EXOC6B: variants seen among roughly 807,000 people sequenced by gnomAD.
EXOC6B encodes the protein exocyst complex component 6B.
In EXOC6B, 54 loss-of-function variants were observed where a neutral mutation model predicts 113.5. The observed-to-expected ratio is 0.48, with a 90% confidence interval of 0.38 to 0.60. The LOEUF (loss-of-function observed/expected upper bound fraction) is 0.60, where lower values mean the gene tolerates loss of function less well. Among genes scored for constraint, EXOC6B ranks in the 20% least tolerant of loss-of-function variants. The pLI, the probability that EXOC6B is intolerant of heterozygous loss-of-function variation, is 0.00. For synonymous variants in EXOC6B, 357 were observed against 339.0 expected, an observed-to-expected ratio of 1.05 and a Z score of -0.58; for missense variants, 797 against 977.5, an observed-to-expected ratio of 0.82 and a Z score of 2.46.
chr2:72,605,053 G>A (rs2104028897), intron 6 of EXOC6B, among the ~76,000 whole-genome samples: 1 of 152,172 alleles, frequency 6.6e-6, no homozygotes, highest in Middle Eastern at 3.4e-3. Context: ...CAGCACTTTG[G>A]GAGGGTGGAT....
intron 6 of EXOC6B, among the ~76,000 whole-genome samples, chr2:72,607,006 T>C (rs190185164): frequency 2.6e-4 from 40 of 152,268 alleles, no homozygotes; most frequent in Non-Finnish European, 4.0e-4. Context: ...CAAAACAAAT[T>C]TATTTCAGGG....
At chr2:72,763,038 A>G (rs1682836356) in intron 1 of EXOC6B, among the ~76,000 whole-genome samples, 1 of 152,174 alleles carries the variant, frequency 6.6e-6, no homozygotes, top group Non-Finnish European at 1.5e-5. Context: ...AAACAAAACA[A>G]AACAAAAAAC....
rs572572925 is a variant in EXOC6B, at chr2:72,638,237, T to C, written c.670-62569A>G. Among the ~76,000 whole-genome samples, 11 of 152,214 alleles carry C rather than the reference T, an allele frequency of 7.2e-5. No individual in the cohort carries two copies. The South Asian group carries it at 2.3e-3, about 32-fold the overall frequency. Reference sequence around the variant, plus strand: ...GCTACTATGAGCAACTATATGCTGATAAATTGGGAAAACTTAAAAGACATG... The same window carrying C: ...GCTACTATGAGCAACTATATGCTGACAAATTGGGAAAACTTAAAAGACATG... On this transcript the variant is annotated intron_variant, in intron 6 of 21. Transcript: ENST00000272427.
intron 17 of EXOC6B, among the ~76,000 whole-genome samples, chr2:72,480,299 T>C (rs1193747523): frequency 6.6e-6 from 1 of 152,170 alleles, no homozygotes; most frequent in Non-Finnish European, 1.5e-5. Context: ...TATGATTATC[T>C]AGACCATACT....
chr2:72,808,864 G>A (rs1477708551), intron 1 of EXOC6B, among the ~76,000 whole-genome samples: 1 of 152,146 alleles, frequency 6.6e-6, no homozygotes, highest in African/African-American at 2.4e-5. Context: ...AAGCACAGGA[G>A]TTCATGACCA....
At chr2:72,202,911 G>C (rs1373089936) in intron 20 of EXOC6B, among the ~76,000 whole-genome samples, 1 of 152,180 alleles carries the variant, frequency 6.6e-6, no homozygotes, top group Non-Finnish European at 1.5e-5. Flanking sequence ...TAGGAATCCT[G>C]AAAGTCACAC....
At chr2:72,608,717 A>C (rs1281513131) in intron 6 of EXOC6B, among the ~76,000 whole-genome samples, 4 of 152,170 alleles carry the variant, frequency 2.6e-5, no homozygotes, top group Non-Finnish European at 4.4e-5. Flanking sequence ...GTAGATGGCT[A>C]CAAAACTATT....
At chr2:72,586,176 A>G (rs1249998418) in intron 6 of EXOC6B, among the ~76,000 whole-genome samples, 1 of 152,164 alleles carries the variant, frequency 6.6e-6, no homozygotes, top group African/African-American at 2.4e-5. Context: ...GTCATTCCAG[A>G]CATCAGCCTT....
intron 16 of EXOC6B, among the ~76,000 whole-genome samples, chr2:72,484,153 T>G (rs1248951531): frequency 2.0e-5 from 3 of 151,994 alleles, no homozygotes; most frequent in Admixed American, 6.6e-5. Flanking sequence ...TTTTTTTTTT[T>G]TTTCAATTTT....
chr2:72,310,448 G>A (rs1375277194), intron 20 of EXOC6B, among the ~76,000 whole-genome samples: 2 of 152,076 alleles, frequency 1.3e-5, no homozygotes, highest in Non-Finnish European at 2.9e-5. Flanking sequence ...TTGAAGAAAT[G>A]TCTATTCAAA....
intron 20 of EXOC6B, among the ~76,000 whole-genome samples, chr2:72,201,803 T>C (rs1050906718): frequency 2.0e-5 from 3 of 152,204 alleles, no homozygotes; most frequent in Non-Finnish European, 2.9e-5. Context: ...TCTGCTTCCA[T>C]AGTTATTGTG....
intron 18 of EXOC6B, among the ~76,000 whole-genome samples, chr2:72,442,496 T>C (rs773931963): frequency 1.3e-5 from 2 of 152,142 alleles, no homozygotes; most frequent in Non-Finnish European, 2.9e-5. Flanking sequence ...AAAACCACAT[T>C]GTCTCAACCT....
chr2:72,627,518 C>CCAA (rs1672133604), intron 6 of EXOC6B, among the ~76,000 whole-genome samples: 1 of 151,882 alleles, frequency 6.6e-6, no homozygotes, highest in Non-Finnish European at 1.5e-5. Context: ...CAGTTAGTTT[C>CCAA]AAGTAAAAAG....
intron 8 of EXOC6B, among the ~76,000 whole-genome samples, chr2:72,528,843 G>T (rs1701858446): frequency 5.3e-5 from 8 of 152,024 alleles, no homozygotes; most frequent in Admixed American, 5.2e-4. Context: ...TTCATTGTGA[G>T]TATACAGAAG....
chr2:72,421,168 T>C (rs993725326), intron 18 of EXOC6B, among the ~76,000 whole-genome samples: 1 of 151,822 alleles, frequency 6.6e-6, no homozygotes, highest in African/African-American at 2.4e-5. Flanking sequence ...TTGCAAAAAC[T>C]TTCTCCCATT....
chr2:72,421,043 A>C (rs747500111), intron 18 of EXOC6B, among the ~76,000 whole-genome samples: 3 of 152,030 alleles, frequency 2.0e-5, no homozygotes, highest in Non-Finnish European at 4.4e-5. Context: ...TTCTTTTGAG[A>C]AGTGTCTGTT....
chr2:72,402,984 C>G (rs1693442182), intron 18 of EXOC6B, among the ~76,000 whole-genome samples: 1 of 151,976 alleles, frequency 6.6e-6, no homozygotes, highest in Non-Finnish European at 1.5e-5. Context: ...TTTTAAAAAC[C>G]AAGACCAAAA....
intron 11 of EXOC6B, among the ~76,000 whole-genome samples, chr2:72,507,697 A>T (rs1174083684): frequency 6.6e-6 from 1 of 152,102 alleles, no homozygotes; most frequent in East Asian, 1.9e-4. Flanking sequence ...ATGATTTTTT[A>T]AAAAGAAGGT....
intron 1 of EXOC6B, among the ~76,000 whole-genome samples, chr2:72,798,450 G>A (rs952952413): frequency 5.3e-5 from 8 of 151,802 alleles, no homozygotes; most frequent in African/African-American, 1.7e-4. Context: ...AGCACCATGC[G>A]AGACATTTTT....
Sources: gnomAD v4.1 joint callset for allele counts (sites outside exome capture counted in the v4.1 genomes callset) on GRCh38, gnomAD v4.1.1 for gene constraint, MANE v1.5 for transcripts, NCBI Gene and HGNC (gene_info 2026-07-23, HGNC 2026-07-21) for gene names.